The following GGA2 variants were observed in gnomAD, a reference collection of about 807,000 sequenced individuals.
GGA2 encodes the protein golgi associated, gamma adaptin ear containing, ARF binding protein 2, also known as ADP-ribosylation factor-binding protein GGA2.
In GGA2, 48 loss-of-function variants were observed where a neutral mutation model predicts 79.5. That is an observed-to-expected ratio of 0.60 (90% CI 0.48 to 0.77). The LOEUF (loss-of-function observed/expected upper bound fraction) is 0.77, where lower values mean the gene tolerates loss of function less well. Ranked by LOEUF, GGA2 falls within the 30% of genes least tolerant of loss-of-function variation. The probability of loss-of-function intolerance (pLI) is 0.00; values close to 1 mark genes in which losing one functional copy is unlikely to be tolerated. For synonymous variants in GGA2, 317 were observed against 302.0 expected (o/e 1.05, Z -0.51); for missense variants, 770 against 774.0 (o/e 0.99, Z 0.06).
chr16:23,519,041 CTTTTTTTT>C (rs368986914), intron 2 of GGA2, among the ~76,000 whole-genome samples: 4 of 104,582 alleles, frequency 3.8e-5, no homozygotes, highest in Non-Finnish European at 7.7e-5. Flanking sequence ...CGGATACTGT[CTTTTTTTT>C]TTTTTTTTTT....
At chr16:23,495,840 T>C in intron 1 of GGA2, 62 bp from the exon 2 acceptor site, 1 of 1,033,710 alleles carries the variant, frequency 9.7e-7, no homozygotes, top group African/African-American at 1.6e-5. Flanking sequence ...CCCCTCCCCA[T>C]ACACATGGTG....
Position 23,474,949 on chromosome 16 carries a change from T to C in GGA2, c.1405A>G (p.Thr469Ala). ...GGGACAAACACTTGAGCCAGAGGTG[T>C]ATTCTGTGAAGATGGGGAAGGAGCC... is the stretch of plus-strand genomic sequence containing the variant. ...PLAPSPSSQN[T>A]PLAQVFVPLE... is the part of the protein sequence containing the mutation. Residue 469 changes from threonine to alanine, a missense_variant, in exon 14 of 17, where the codon ACA becomes GCA. Thr to Ala is a moderately conservative substitution (Grantham distance 58). Coordinates refer to ENST00000309859, the MANE Select transcript of GGA2 (RefSeq NM_015044.4). 1.2e-6 allele frequency: 2 copies of C among 1,613,140 alleles called. No individual in the cohort carries two copies. The highest frequency in any genetic ancestry group is 1.7e-6 in the Non-Finnish European group (2 of 1,179,304).
rs1964831056 is a variant in GGA2 at position 23,494,526 on chromosome 16, G to C, written c.177-148C>G. On this transcript the variant is annotated intron_variant, in intron 2 of 16. Transcript: ENST00000309859. ...GTGCCTGACAAACAGGCCACGCGGG[G>C]GCCCTGGAGAGGGCCACCTCGCACC... 19 of 657,472 alleles carry C rather than the reference G, an allele frequency of 2.9e-5. No individual in the cohort carries two copies. The South Asian group carries it at 3.3e-4, about 11-fold the overall frequency. 40.7% of individuals were successfully genotyped at this position (657,472 alleles called of 1,614,324 possible). A position where few individuals can be genotyped will look rare whatever the true frequency, so the allele number is the denominator to read the frequency against.
intron 1 of GGA2, among the ~76,000 whole-genome samples, chr16:23,507,842 C>T (rs1964990348): frequency 6.6e-6 from 1 of 151,728 alleles, no homozygotes; most frequent in African/African-American, 2.4e-5. Flanking sequence ...TTAAAAAAAG[C>T]TAGAACTGGG....
chr16:23,492,007 TA>T (rs1964795217), intron 4 of GGA2, among the ~76,000 whole-genome samples: 1 of 152,154 alleles, frequency 6.6e-6, no homozygotes, highest in Non-Finnish European at 1.5e-5. Flanking sequence ...ATACTCACAC[TA>T]AACCCCACCA....
chr16:23,493,645 T>A, intron 3 of GGA2, 187 bp from the exon 4 acceptor site: 1 of 581,950 alleles, frequency 1.7e-6, no homozygotes, highest in South Asian at 2.0e-5. Context: ...CCCTGTTCAA[T>A]CTTGCTATAA....
Position 23,478,926 on chromosome 16 carries a change from T to A in GGA2, c.1130-15A>T. On this transcript the variant is annotated splice_polypyrimidine_tract_variant and intron_variant, in intron 11 of 16. Transcript: ENST00000309859. ...ATCACTGATTCCTGTAAGAAAGGAGTAGAGTGAGATGCCTAACAGTAACTC... is the reference window on the plus strand; with the variant it reads ...ATCACTGATTCCTGTAAGAAAGGAGAAGAGTGAGATGCCTAACAGTAACTC... 1 of 1,579,042 alleles carries A rather than the reference T, an allele frequency of 6.3e-7. No homozygotes were observed. The highest frequency in any genetic ancestry group is 8.7e-7 in the Non-Finnish European group (1 of 1,148,424).
At chr16:23,484,272 G>C (rs1037015329) in intron 8 of GGA2, among the ~76,000 whole-genome samples, 1 of 151,722 alleles carries the variant, frequency 6.6e-6, no homozygotes, top group Non-Finnish European at 1.5e-5. Flanking sequence ...TACAGAATTA[G>C]CCAGGCGTGC....
Position 23,465,662 on chromosome 16 carries a change from C to A in GGA2, c.*1928G>T, listed in dbSNP as rs150188253. 2.3e-6 allele frequency: 1 copy of A among 428,780 alleles called. No individual in the cohort carries two copies. The highest frequency in any genetic ancestry group is 4.0e-5 in the East Asian group (1 of 24,712). 26.6% of individuals were successfully genotyped at this position (428,780 alleles called of 1,614,324 possible). A position where few individuals can be genotyped will look rare whatever the true frequency, so the allele number is the denominator to read the frequency against. On this transcript the variant is annotated 3_prime_UTR_variant, in exon 17 of 17. Coordinates refer to ENST00000309859, the MANE Select transcript of GGA2 (RefSeq NM_015044.4). ...GAGCCTATAAAAGCTACACAGAGGC[C>A]GGGTGCGGTGGCTCACGCCTGTAAT...
Position 23,510,439 on chromosome 16 carries a change from G to GCGTCGGGGCT in GGA2, c.-29_-28insAGCCCCGACG. The GCGTCGGGGCT allele has an allele frequency of 1.1e-6, 1 of 916,750 alleles. No individual in the cohort carries two copies. Among genetic ancestry groups the GCGTCGGGGCT allele is most frequent in the Non-Finnish European group, 1.5e-6 (1 of 683,390 alleles). 56.8% of individuals were successfully genotyped at this position (916,750 alleles called of 1,614,324 possible). On this transcript the variant is annotated 5_prime_UTR_variant, in exon 1 of 17. Transcript: ENST00000309859. ...CTCCAGCCCCGACGCTGCGGCCGCGGGCGCCACTGCCTCTTCAGCCGCTGT... is the reference window on the plus strand; with the variant it reads ...CTCCAGCCCCGACGCTGCGGCCGCGGCGTCGGGGCTGCGCCACTGCCTCTTCAGCCGCTGT...
At chr16:23,518,029 C>T (rs1313167084) in intron 2 of GGA2, among the ~76,000 whole-genome samples, 2 of 152,146 alleles carry the variant, frequency 1.3e-5, no homozygotes, top group African/African-American at 4.8e-5. Context: ...TCTCCTGCCT[C>T]AGCCTCCTAA....
At chr16:23,471,476 G>T (rs556502233) in intron 14 of GGA2, among the ~76,000 whole-genome samples, 4 of 151,968 alleles carry the variant, frequency 2.6e-5, no homozygotes, top group Non-Finnish European at 5.9e-5. Context: ...TAAACAAAAC[G>T]TGTGGAACAG....
At chr16:23,491,562 TCTA>T in intron 5 of GGA2, 112 bp downstream of exon 5, 1 of 743,016 alleles carries the variant, frequency 1.3e-6, no homozygotes, top group Non-Finnish European at 2.2e-6. Flanking sequence ...TACCTCAGTG[TCTA>T]TGGTCCTACA....
intron 11 of GGA2, 79 bp from the exon 12 acceptor site, chr16:23,478,990 T>C (rs1400118057): frequency 1.0e-6 from 1 of 963,760 alleles, no homozygotes; most frequent in Non-Finnish European, 1.7e-6. Flanking sequence ...ACACCCATCC[T>C]TTCTAGGACA....
intron 2 of GGA2, among the ~76,000 whole-genome samples, chr16:23,517,645 C>T (rs1045973452): frequency 6.6e-6 from 1 of 152,172 alleles, no homozygotes; most frequent in African/African-American, 2.4e-5. Context: ...CAGTCCTGAA[C>T]AACTTTGTGA....
chr16:23,520,217 C>T (rs1329327149), intron 1 of GGA2, among the ~76,000 whole-genome samples: 1 of 131,894 alleles, frequency 7.6e-6, no homozygotes, highest in Non-Finnish European at 1.5e-5. Flanking sequence ...CACGCCATTG[C>T]ATGCCAGCCT....
At chr16:23,470,768 A>C (rs201987403) in intron 14 of GGA2, among the ~76,000 whole-genome samples, 3 of 103,140 alleles carry the variant, frequency 2.9e-5, no homozygotes, top group East Asian at 5.1e-4. Context: ...AACAAACAAA[A>C]AACAAAAAGC....
Position 23,464,169 on chromosome 16 carries a change from T to C in GGA2, c.*3421A>G, listed in dbSNP as rs1796360460. 1 of 152,252 alleles carries C rather than the reference T, an allele frequency of 6.6e-6. No homozygotes were observed. The highest frequency in any genetic ancestry group is 1.5e-5 in the Non-Finnish European group (1 of 68,046). The allele number at this position is 152,252 out of a possible 1,614,324, so 9.4% of individuals were successfully genotyped here. A position where few individuals can be genotyped will look rare whatever the true frequency, so the allele number is the denominator to read the frequency against. The stretch of plus-strand genomic sequence containing the variant: ...AGGTAATATTCACTTTTCTTTTGGT[T>C]GTCATTTATTGTTTTCAACACTATC... On this transcript the variant is annotated 3_prime_UTR_variant, in exon 17 of 17. Coordinates refer to ENST00000309859, the MANE Select transcript of GGA2 (RefSeq NM_015044.4).
chr16:23,482,869 C>CTTGCACCTGGG (rs776464589), intron 9 of GGA2, 54 bp downstream of exon 9: 18 of 1,006,036 alleles, frequency 1.8e-5, no homozygotes, highest in African/African-American at 3.2e-5. Flanking sequence ...ACAGGAGGGA[C>CTTGCACCTGGG]CGAGTCTGTC....
Sources: allele counts gnomAD v4.1 joint callset (sites outside exome capture counted in the v4.1 genomes callset), GRCh38; gene constraint gnomAD v4.1.1; transcripts MANE v1.5; gene names NCBI Gene and HGNC (gene_info 2026-07-23, HGNC 2026-07-21).